Variants in NAV2 observed in about 807,000 individuals in gnomAD.
NAV2 encodes helicase, APC down-regulated 1.
In NAV2, 54 loss-of-function variants were observed where a neutral mutation model predicts 223.2. The ratio of observed to expected loss-of-function variants is 0.24; its 90% CI spans 0.19 to 0.30. NAV2 has a LOEUF of 0.30. Ranked by LOEUF, NAV2 falls within the 10% of genes least tolerant of loss-of-function variation. NAV2 has a pLI of 1.00. For missense variants in NAV2, 2,806 were observed against 3,147.5 expected (o/e 0.89, Z 2.60); for synonymous variants, 1,279 against 1,239.3 (o/e 1.03, Z -0.67).
At chr11:19,493,431 T>C (rs981961440) in intron 1 of NAV2, among the ~76,000 whole-genome samples, 1 of 152,226 alleles carries the variant, frequency 6.6e-6, no homozygotes, top group African/African-American at 2.4e-5. Flanking sequence ...TTAGTAATTT[T>C]CCCTTCTTCT....
At position 20,110,915 on chromosome 11, in the gene NAV2, G is replaced by A. The variant is rs78364317; in HGVS notation, c.6960+3133G>A. 1.4e-4 allele frequency among the ~76,000 whole-genome samples: 21 copies of A among 152,290 alleles called. No homozygotes were observed. In the East Asian group the frequency reaches 2.5e-3, roughly 18 times the overall value. ...TAGAATGGGTTCTGACAGGGCTACC[G>A]TGCACCAGGAGCTGGGATGGAGCGC... On this transcript the variant is annotated intron_variant, in intron 36 of 37. Coordinates refer to ENST00000349880, the MANE Select transcript of NAV2 (RefSeq NM_145117.5).
At chr11:20,080,612 A>G (rs1446791249) in intron 25 of NAV2, among the ~76,000 whole-genome samples, 1 of 152,184 alleles carries the variant, frequency 6.6e-6, no homozygotes. Flanking sequence ...TTTAGCCGTA[A>G]TCTTTATCTA....
intron 34 of NAV2, chr11:20,105,105 G>A (rs1275990994): frequency 6.5e-6 from 1 of 154,698 alleles, no homozygotes; most frequent in African/African-American, 2.4e-5. Context: ...GTGAGCTCCT[G>A]GGAACCAGGA....
At chr11:19,355,103 G>A (rs978145259) in intron 1 of NAV2, among the ~76,000 whole-genome samples, 5 of 152,168 alleles carry the variant, frequency 3.3e-5, no homozygotes, top group African/African-American at 7.2e-5. Flanking sequence ...ATAGATTGGC[G>A]AAGTAAAATT....
At chr11:19,918,095 T>G (rs1478960124) in intron 6 of NAV2, among the ~76,000 whole-genome samples, 6 of 152,250 alleles carry the variant, frequency 3.9e-5, no homozygotes, top group East Asian at 3.8e-4. Context: ...GATAATCCCC[T>G]CTTCAGGGAG....
intron 19 of NAV2, among the ~76,000 whole-genome samples, chr11:20,060,736 T>A (rs2058652303): frequency 6.6e-6 from 1 of 152,154 alleles, no homozygotes; most frequent in Non-Finnish European, 1.5e-5. Flanking sequence ...TGATAGACAG[T>A]ATTTAGATGC....
intron 1 of NAV2, among the ~76,000 whole-genome samples, chr11:19,552,792 C>T (rs550074872): frequency 6.6e-6 from 1 of 152,096 alleles, no homozygotes; most frequent in East Asian, 1.9e-4. Context: ...AAGTAGCTCT[C>T]TCCGAGGGGC....
intron 11 of NAV2, among the ~76,000 whole-genome samples, chr11:19,985,507 G>A (rs1450097808): frequency 6.6e-6 from 1 of 151,890 alleles, no homozygotes; most frequent in Non-Finnish European, 1.5e-5. Flanking sequence ...AAAGGAATGG[G>A]TTTGAAAAGT....
At position 19,787,266 on chromosome 11, in the gene NAV2, GGA is replaced by G. The variant is rs1226682658; in HGVS notation, c.268-45217_268-45216del. On this transcript the variant is annotated intron_variant, in intron 1 of 37. Coordinates refer to ENST00000349880, the MANE Select transcript of NAV2 (RefSeq NM_145117.5). ...CCAACATGCCTGGCTAATTTTTATT[GGA>G]TCTTTTTTTTTTTTTTTTTTTTTTT... 2.8e-4 allele frequency among the ~76,000 whole-genome samples: 23 copies of G among 83,008 alleles called. 1 individual carries two copies. The highest frequency in any genetic ancestry group is 9.6e-4 in the African/African-American group (19 of 19,806). 54.5% of individuals were successfully genotyped at this position (83,008 alleles called of 152,430 possible). A position where few individuals can be genotyped will look rare whatever the true frequency, so the allele number is the denominator to read the frequency against.
At chr11:19,680,407 T>C (rs957857654) in intron 1 of NAV2, among the ~76,000 whole-genome samples, 11 of 151,972 alleles carry the variant, frequency 7.2e-5, no homozygotes, top group African/African-American at 2.7e-4. Context: ...TCACTGTTTA[T>C]TGTTTTTAAG....
intron 1 of NAV2, among the ~76,000 whole-genome samples, chr11:19,677,490 G>C (rs10766580): frequency 0.75 from 114,710 of 152,270 alleles, 47,316 homozygotes; most frequent in Non-Finnish European, 0.91. Flanking sequence ...AGGAGACTGA[G>C]GCCCAGAGAG....
intron 12 of NAV2, 53 bp from the exon 13 acceptor site, chr11:20,043,928 G>T: frequency 6.4e-7 from 1 of 1,560,230 alleles, no homozygotes; most frequent in East Asian, 2.3e-5. Flanking sequence ...GGAGTGAGGG[G>T]CTTCCCAGCC....
chr11:19,629,136 T>C (rs547032796), intron 1 of NAV2, among the ~76,000 whole-genome samples: 4 of 152,258 alleles, frequency 2.6e-5, no homozygotes, highest in Admixed American at 6.5e-5. Flanking sequence ...CCGCTCTGCC[T>C]CAGTGTCTCC....
At chr11:19,515,853 G>C (rs730583) in intron 1 of NAV2, among the ~76,000 whole-genome samples, 24,271 of 152,204 alleles carry the variant, frequency 0.16, 2,099 homozygotes, top group Admixed American at 0.21. Context: ...TTTGTTGGTT[G>C]ATGGGATGAG....
At chr11:19,948,625 A>C in intron 9 of NAV2, 66 bp from the exon 10 acceptor site, 1 of 1,447,704 alleles carries the variant, frequency 6.9e-7, no homozygotes, top group Non-Finnish European at 9.2e-7. Flanking sequence ...TAAATAATTA[A>C]AGAACATATA....
chr11:19,492,419 G>A (rs1009877936), intron 1 of NAV2, among the ~76,000 whole-genome samples: 6 of 152,094 alleles, frequency 3.9e-5, no homozygotes, highest in Non-Finnish European at 7.3e-5. Flanking sequence ...ATCAGCATGT[G>A]TCTGAAAGAG....
intron 1 of NAV2, among the ~76,000 whole-genome samples, chr11:19,663,951 G>A (rs1392855643): frequency 3.3e-5 from 5 of 152,254 alleles, no homozygotes; most frequent in South Asian, 2.1e-4. Flanking sequence ...GGCAGGCACC[G>A]CTAAGTACTG....
intron 1 of NAV2, among the ~76,000 whole-genome samples, chr11:19,609,894 C>T (rs1158090101): frequency 2.0e-5 from 3 of 152,178 alleles, no homozygotes; most frequent in Non-Finnish European, 4.4e-5. Context: ...CTGAAATCTA[C>T]CAGTAATAAC....
upstream of NAV2, chr11:19,350,592 C>G (rs1290992647): frequency 3.6e-6 from 1 of 278,290 alleles, no homozygotes; most frequent in African/African-American, 2.1e-5. Flanking sequence ...GCCAAGGAGA[C>G]AGTGAAGGAA....
Sources: gnomAD v4.1 joint callset for allele counts (sites outside exome capture counted in the v4.1 genomes callset) on GRCh38, gnomAD v4.1.1 for gene constraint, MANE v1.5 for transcripts, NCBI Gene and HGNC (gene_info 2026-07-23, HGNC 2026-07-21) for gene names.